CIZ1: variants seen among roughly 807,000 people sequenced by gnomAD.
CIZ1 encodes cip1-interacting zinc finger protein.
Under a neutral mutation model 118.6 loss-of-function variants are expected in CIZ1, and 58 were observed. That is an observed-to-expected ratio of 0.49 (90% CI 0.40 to 0.61). CIZ1 has a LOEUF of 0.61. Among genes scored for constraint, CIZ1 ranks in the 20% least tolerant of loss-of-function variants. CIZ1 has a pLI of 0.00. For synonymous variants in CIZ1, 448 were observed against 443.4 expected (o/e 1.01, Z -0.13); for missense variants, 921 against 1,115.9 (o/e 0.83, Z 2.49).
chr9:128,190,850 C>T lies in CIZ1; in HGVS notation c.8G>A (p.Ser3Asn). The T allele has an allele frequency of 1.3e-6, 2 of 1,542,418 alleles. No individual in the cohort carries two copies. The highest frequency in any genetic ancestry group is 1.7e-6 in the Non-Finnish European group (2 of 1,147,372). The change falls in exon 2 of 17, where the codon AGC (serine) becomes AAC (asparagine). Residue 3 changes from serine (S) to asparagine (N), a missense_variant. Ser to Asn is a conservative substitution (Grantham distance 46, BLOSUM62 1). Coordinates refer to ENST00000372938, the MANE Select transcript of CIZ1 (RefSeq NM_001131016.2). ...CTGGAGCTGCTGCTGCTGCTGCTGGCTGAACATGGTGGCTAGGGGCAGAAA... is the reference window on the plus strand; with the variant it reads ...CTGGAGCTGCTGCTGCTGCTGCTGGTTGAACATGGTGGCTAGGGGCAGAAA... MFSQQQQQQLQQQ... is the reference protein window; with the variant it reads MFNQQQQQQLQQQ...
At chr9:128,177,843 T>A in intron 9 of CIZ1, 80 bp from the exon 10 acceptor site, 1 of 939,446 alleles carries the variant, frequency 1.1e-6, no homozygotes, top group Non-Finnish European at 1.6e-6. Flanking sequence ...TCTGCCAACG[T>A]TGTCTCATCA....
Position 128,166,417 on chromosome 9 carries a change from A to G in CIZ1, c.2488-11T>C, listed in dbSNP as rs761732326. On this transcript the variant is annotated splice_polypyrimidine_tract_variant and intron_variant, in intron 16 of 16. Coordinates refer to ENST00000372938, the MANE Select transcript of CIZ1 (RefSeq NM_001131016.2). This position sits in a 1 kb window ranked among gnomAD's most constrained non-coding sequence, Gnocchi z 4.4. ...GGCCGCCTTGTATTTCTGGATACAG[A>G]AGGTGCAGGTAAGGTCAGGGTCTCC... The G allele has an allele frequency of 6.6e-7, 1 of 1,518,076 alleles. No homozygotes were observed. Among genetic ancestry groups the G allele is most frequent in the South Asian group, 1.3e-5 (1 of 78,168 alleles). 94.0% of individuals were successfully genotyped at this position (1,518,076 alleles called of 1,614,324 possible).
intron 11 of CIZ1, among the ~76,000 whole-genome samples, chr9:128,174,110 G>A (rs920756246): frequency 6.6e-6 from 1 of 152,122 alleles, no homozygotes; most frequent in Non-Finnish European, 1.5e-5. Context: ...GGGAGGAGAC[G>A]GGCACCCCCA....
chr9:128,194,791 C>T (rs1018167399), upstream of CIZ1, among the ~76,000 whole-genome samples: 8 of 152,248 alleles, frequency 5.3e-5, no homozygotes, highest in Admixed American at 1.3e-4. Context: ...GCACTCCAGC[C>T]TGGGCAACAA....
In CIZ1 at chr9:128,191,416, G is replaced by T; in HGVS notation, c.-6+16C>A. On this transcript the variant is annotated intron_variant, in intron 1 of 16. Transcript: ENST00000372938. The surrounding 1 kb of genome is among the most constrained non-coding windows in gnomAD (Gnocchi z 5.5). Reference sequence around the variant, plus strand: ...GCAGGCGGAGCCCCACGACCCAGCCGCCCCCGGCCCCGCACCTCGCCTCCC... The same window carrying T: ...GCAGGCGGAGCCCCACGACCCAGCCTCCCCCGGCCCCGCACCTCGCCTCCC... The T allele has an allele frequency of 3.3e-6, 3 of 914,104 alleles. No individual in the cohort carries two copies. The highest frequency in any genetic ancestry group is 3.9e-6 in the Non-Finnish European group (3 of 762,872). The allele number at this position is 914,104 out of a possible 1,614,324, so 56.6% of individuals were successfully genotyped here.
intron 9 of CIZ1, among the ~76,000 whole-genome samples, 188 bp downstream of exon 9, chr9:128,178,181 G>A (rs1015545032): frequency 2.0e-5 from 3 of 152,164 alleles, no homozygotes; most frequent in African/African-American, 4.8e-5. Flanking sequence ...ACAACAGCAA[G>A]AGGGTCCCAT....
At chr9:128,188,049 C>CAAAAAAAAAAAAAAAAAAAA (rs34003070) in intron 3 of CIZ1, 115 bp from the exon 4 acceptor site, 3 of 22,226 alleles carry the variant, frequency 1.3e-4, no homozygotes, top group Admixed American at 9.6e-4. Flanking sequence ...CTTAAAACAG[C>CAAAAAAAAAAAAAAAAAAAA]AAAAAAAAAA....
chr9:128,177,549 A>G lies in CIZ1; in HGVS notation c.1818+17T>C. On this transcript the variant is annotated intron_variant, in intron 10 of 16. Transcript: ENST00000372938. ...GCAGGCCCCACCCCTCCCCACCCTT[A>G]TCTCCTGTATCAGTACCTGCTGGCT... 1 of 1,339,378 alleles carries G rather than the reference A, an allele frequency of 7.5e-7. No individual in the cohort carries two copies. Among genetic ancestry groups the G allele is most frequent in the Non-Finnish European group, 9.9e-7 (1 of 1,009,220 alleles). The allele number at this position is 1,339,378 out of a possible 1,614,324, so 83.0% of individuals were successfully genotyped here. A position where few individuals can be genotyped will look rare whatever the true frequency, so the allele number is the denominator to read the frequency against.
At position 128,178,459 on chromosome 9, in the gene CIZ1, G is replaced by C. The variant is rs1031642422; in HGVS notation, c.1530C>G (p.Gly510=). ...GAATCTCTTCCATGCTGACTTGGGTGCCCACAGGCTCTGGCAAGGTCTTTT... is the reference window on the plus strand; with the variant it reads ...GAATCTCTTCCATGCTGACTTGGGTCCCCACAGGCTCTGGCAAGGTCTTTT... The part of the protein sequence containing the change: ...GMEKTLPEPV[G]TQVSMEEIQN... The change falls in exon 9 of 17, where the codon GGC becomes GGG. Residue 510 remains glycine (G), a synonymous_variant. Coordinates refer to ENST00000372938, the MANE Select transcript of CIZ1 (RefSeq NM_001131016.2). 1 of 1,614,166 alleles carries C rather than the reference G, an allele frequency of 6.2e-7. No homozygotes were observed. Among genetic ancestry groups the C allele is most frequent in the Admixed American group, 1.7e-5 (1 of 60,002 alleles).
rs774387035 is a variant in CIZ1 at position 128,178,998 on chromosome 9, C to T, written c.1209G>A (p.Val403=). Residue 403 remains valine (V), a synonymous_variant, in exon 8 of 17, where the codon GTG becomes GTA. Coordinates refer to ENST00000372938, the MANE Select transcript of CIZ1 (RefSeq NM_001131016.2). ...LQQEAEPLKQ[V]QPQVQPQAHS... The stretch of plus-strand genomic sequence containing the variant: ...GTGCCTGGGGCTGCACCTGTGGCTG[C>T]ACCTGCTTCAGCGGCTCTGCCTCCT... 5 of 1,612,966 alleles carry T rather than the reference C, an allele frequency of 3.1e-6. No individual in the cohort carries two copies. Among genetic ancestry groups the T allele is most frequent in the Non-Finnish European group, 4.2e-6 (5 of 1,179,834 alleles).
At chr9:128,173,393 C>T (rs1418405178) in intron 11 of CIZ1, among the ~76,000 whole-genome samples, 4 of 152,056 alleles carry the variant, frequency 2.6e-5, no homozygotes, top group South Asian at 2.1e-4. Context: ...GATCCACCCG[C>T]CTCAGCCTCC....
upstream of CIZ1, among the ~76,000 whole-genome samples, chr9:128,193,449 C>T (rs1349473703): frequency 6.6e-6 from 1 of 151,966 alleles, no homozygotes; most frequent in Non-Finnish European, 1.5e-5. Context: ...CGGCTCACCC[C>T]TGTAATCCCA....
In CIZ1 at chr9:128,203,665, G is replaced by A. The variant is rs1430980579; in HGVS notation, c.-6+521C>T. Reference sequence around the variant, plus strand: ...GGCGCGCCCCCAGGCGCCGACCCCCGACCCCCGGGATCCCTGGAGTCCCCG... The same window carrying A: ...GGCGCGCCCCCAGGCGCCGACCCCCAACCCCCGGGATCCCTGGAGTCCCCG... On this transcript the variant is annotated intron_variant, in intron 1 of 17. Coordinates refer to the CIZ1 transcript ENST00000372948. The surrounding 1 kb of genome is among the most constrained non-coding windows in gnomAD (Gnocchi z 5.3). The A allele has an allele frequency of 2.0e-6, 3 of 1,483,946 alleles. No individual in the cohort carries two copies. The highest frequency in any genetic ancestry group is 2.7e-6 in the Non-Finnish European group (3 of 1,123,834). 91.9% of individuals were successfully genotyped at this position (1,483,946 alleles called of 1,614,324 possible).
upstream of CIZ1, among the ~76,000 whole-genome samples, chr9:128,193,314 G>A (rs542726024): frequency 2.0e-5 from 3 of 152,094 alleles, no homozygotes; most frequent in African/African-American, 7.2e-5. Context: ...ACTGGAGAAG[G>A]GTGTGAACCT....
intron 5 of CIZ1, 138 bp from the exon 6 acceptor site, chr9:128,180,952 C>T (rs1159021941): frequency 1.1e-5 from 7 of 659,092 alleles, no homozygotes; most frequent in African/African-American, 1.8e-5. Flanking sequence ...CCAGAGTTGC[C>T]GAGTGGATGA....
At chr9:128,197,852 C>T (rs1490320510) in intron 1 of CIZ1, 1 of 152,260 alleles carries the variant, frequency 6.6e-6, no homozygotes, top group Non-Finnish European at 1.5e-5. Flanking sequence ...TATTACATCA[C>T]TGAACCGTCA....
chr9:128,170,619 C>T (rs1234489043), intron 11 of CIZ1, among the ~76,000 whole-genome samples: 2 of 152,132 alleles, frequency 1.3e-5, no homozygotes, highest in Non-Finnish European at 2.9e-5. Flanking sequence ...AGCGCCACTG[C>T]ACTCCAACCT....
intron 4 of CIZ1, among the ~76,000 whole-genome samples, chr9:128,187,112 G>GTATTTTTAGTAGAGACAGGGTT (rs1436698317): frequency 6.6e-6 from 1 of 152,006 alleles, no homozygotes; most frequent in Non-Finnish European, 1.5e-5. Flanking sequence ...GCTAATTTTT[G>GTATTTTTAGTAGAGACAGGGTT]TATTTTTAGT....
chr9:128,169,009 G>A, intron 14 of CIZ1, 43 bp downstream of exon 14: 1 of 1,612,236 alleles, frequency 6.2e-7, no homozygotes, highest in Non-Finnish European at 8.5e-7. Flanking sequence ...CCTGGGCTGG[G>A]AATCCAGCAC....
Sources: gnomAD v4.1 joint callset for allele counts (sites outside exome capture counted in the v4.1 genomes callset) on GRCh38, gnomAD v4.1.1 for gene constraint, Gnocchi (gnomAD v3.1) non-coding constraint, MANE v1.5 for transcripts, NCBI Gene and HGNC (gene_info 2026-07-23, HGNC 2026-07-21) for gene names.